Variants in CRK observed in about 807,000 individuals in gnomAD.
The protein encoded by CRK is CRK proto-oncogene, adaptor protein, also known as adapter molecule crk.
CRK carries 4 observed loss-of-function variants against 29.8 expected under a neutral mutation model. That is an observed-to-expected ratio of 0.13 (90% CI 0.07 to 0.31). The LOEUF is 0.31. CRK is among the 10% of genes least tolerant of loss of function. The pLI is 1.00. For synonymous variants in CRK, 153 were observed against 164.9 expected (o/e 0.93, Z 0.55); for missense variants, 274 against 396.5 (o/e 0.69, Z 2.62).
Position 1,422,894 on chromosome 17 carries a change from G to A in CRK, c.*619C>T. On this transcript the variant is annotated 3_prime_UTR_variant, in exon 3 of 3. Transcript: ENST00000300574. ...GGAATTCACCTACTTACAGGTTTGG[G>A]GGACAAGAATGTCAAGGGCTAAAAG... 1 of 398,846 alleles carries A rather than the reference G, an allele frequency of 2.5e-6. No homozygotes were observed. Among genetic ancestry groups the A allele is most frequent in the Non-Finnish European group, 4.4e-6 (1 of 226,104 alleles). 24.7% of individuals were successfully genotyped at this position (398,846 alleles called of 1,614,324 possible). A position where few individuals can be genotyped will look rare whatever the true frequency, so the allele number is the denominator to read the frequency against.
chr17:1,452,326 C>T (rs2074024265), intron 1 of CRK, among the ~76,000 whole-genome samples: 1 of 152,108 alleles, frequency 6.6e-6, no homozygotes, highest in South Asian at 2.1e-4. Context: ...ACTCAAAGTA[C>T]CTGGCACAGA....
chr17:1,430,861 A>G (rs749319300), intron 2 of CRK, among the ~76,000 whole-genome samples: 26 of 151,480 alleles, frequency 1.7e-4, no homozygotes, highest in Admixed American at 1.3e-3. Flanking sequence ...AGGTCAGCAG[A>G]TCGAGACCAT....
chr17:1,434,445 G>A (rs2073872050), intron 2 of CRK, among the ~76,000 whole-genome samples: 1 of 152,044 alleles, frequency 6.6e-6, no homozygotes, highest in South Asian at 2.1e-4. Flanking sequence ...CTTGATGAGC[G>A]GTGACCACAC....
At chr17:1,455,429 A>G (rs2074048383) in intron 1 of CRK, among the ~76,000 whole-genome samples, 1 of 152,174 alleles carries the variant, frequency 6.6e-6, no homozygotes, top group Non-Finnish European at 1.5e-5. Flanking sequence ...CCAGGGGAGC[A>G]CGGCCAAACC....
intron 1 of CRK, among the ~76,000 whole-genome samples, chr17:1,454,974 G>GC (rs1485684911): frequency 6.6e-6 from 1 of 152,170 alleles, no homozygotes; most frequent in African/African-American, 2.4e-5. Context: ...GGAAGACTCA[G>GC]CCCGCAGCCC....
chr17:1,436,836 G>A lies in CRK; in HGVS notation c.561C>T (p.Val187=), dbSNP rs200822320. The change falls in exon 2 of 3, where the codon GTC becomes GTT. Residue 187 remains valine, a synonymous_variant. Transcript: ENST00000300574. The part of the protein sequence containing the change: ...GKRGMIPVPY[V]EKYRPASASV... The stretch of plus-strand genomic sequence containing the variant: ...AGGCGGAGGCAGGTCTATACTTCTC[G>A]ACGTAAGGGACTGGAATCATCCCTC... The A allele has an allele frequency of 1.1e-5, 18 of 1,595,544 alleles. No homozygotes were observed. The highest frequency in any genetic ancestry group is 8.9e-5 in the East Asian group (4 of 44,730).
At chr17:1,432,731 C>T (rs1250801887) in intron 2 of CRK, among the ~76,000 whole-genome samples, 1 of 148,964 alleles carries the variant, frequency 6.7e-6, no homozygotes, top group African/African-American at 2.5e-5. Context: ...GCGCCGAGAT[C>T]ACGCCACTGC....
chr17:1,428,818 G>A (rs187978991), intron 2 of CRK, among the ~76,000 whole-genome samples: 7 of 148,382 alleles, frequency 4.7e-5, no homozygotes, highest in South Asian at 2.2e-4. Context: ...CACCACGCCC[G>A]GCTCAGAACT....
chr17:1,442,592 G>T (rs141862143), intron 1 of CRK, among the ~76,000 whole-genome samples: 1 of 146,648 alleles, frequency 6.8e-6, no homozygotes, highest in African/African-American at 2.5e-5. Flanking sequence ...GATTTTTCTT[G>T]TGTGTGAAAG....
In CRK at chr17:1,436,973, C is replaced by T. The variant is rs2073891223; in HGVS notation, c.424G>A (p.Asp142Asn). The T allele has an allele frequency of 6.2e-7, 1 of 1,614,066 alleles. No individual in the cohort carries two copies. The highest frequency in any genetic ancestry group is 1.7e-5 in the Admixed American group (1 of 59,988). Residue 142 changes from aspartate to asparagine, a missense_variant, in exon 2 of 3, where the codon GAC (aspartate) becomes AAC (asparagine). By Grantham distance (23) the Asp-to-Asn change is conservative. Around this residue, in one of 3 missense-constraint regions of CRK, gnomAD observed 18 missense variants for 61.3 expected, o/e 0.29. Coordinates refer to ENST00000300574, the MANE Select transcript of CRK (RefSeq NM_016823.4). ...EEAEYVRALFDFNGNDEEDLP... is the reference protein window; with the variant it reads ...EEAEYVRALFNFNGNDEEDLP... ...TCTTCCTCATCATTCCCATTAAAGT[C>T]AAAGAGGGCTCGCACATACTCCGCC...
chr17:1,424,246 T>C (rs941236898), intron 2 of CRK, among the ~76,000 whole-genome samples: 1 of 152,040 alleles, frequency 6.6e-6, no homozygotes, highest in African/African-American at 2.4e-5. Flanking sequence ...TTTGTATTTT[T>C]AGTAGAGATG....
At chr17:1,436,534 T>C in intron 2 of CRK, 86 bp downstream of exon 2, 1 of 1,358,858 alleles carries the variant, frequency 7.4e-7, no homozygotes, top group Non-Finnish European at 1.0e-6. Context: ...CCCAATGCTG[T>C]AGTCAGCATT....
At chr17:1,433,508 G>GATTTTTTTTTTTTT (rs1568012299) in intron 2 of CRK, among the ~76,000 whole-genome samples, 4 of 114,368 alleles carry the variant, frequency 3.5e-5, no homozygotes, top group African/African-American at 1.4e-4. Context: ...ACCACGCCTG[G>GATTTTTTTTTTTTT]CTTTTTTTTT....
At chr17:1,437,610 T>G (rs1295293470) in intron 1 of CRK, among the ~76,000 whole-genome samples, 1 of 151,684 alleles carries the variant, frequency 6.6e-6, no homozygotes, top group African/African-American at 2.4e-5. Context: ...ATATGTTCTG[T>G]CGCTACCCCA....
chr17:1,442,846 A>G (rs2073945733), intron 1 of CRK, among the ~76,000 whole-genome samples: 1 of 151,366 alleles, frequency 6.6e-6, no homozygotes, highest in Admixed American at 6.6e-5. Flanking sequence ...ACCTCAAGTG[A>G]TCTGACCGCC....
chr17:1,437,715 G>A (rs1327118100), intron 1 of CRK, among the ~76,000 whole-genome samples: 2 of 150,740 alleles, frequency 1.3e-5, no homozygotes, highest in Non-Finnish European at 3.0e-5. Flanking sequence ...GTGTAGTGGC[G>A]TGATCTCTGC....
chr17:1,436,107 T>A (rs576992159), intron 2 of CRK, among the ~76,000 whole-genome samples: 1 of 152,274 alleles, frequency 6.6e-6, no homozygotes, highest in East Asian at 1.9e-4. Flanking sequence ...TGGGTGTGCA[T>A]CTCTTCAAAC....
In CRK at chr17:1,422,927, A is replaced by G. The variant is rs139110929; in HGVS notation, c.*586T>C. 5.3e-5 allele frequency: 21 copies of G among 399,068 alleles called. No individual in the cohort carries two copies. Among genetic ancestry groups the G allele is most frequent in the African/African-American group, 3.7e-4 (18 of 48,762 alleles). The allele number at this position is 399,068 out of a possible 1,614,324, so 24.7% of individuals were successfully genotyped here. A position where few individuals can be genotyped will look rare whatever the true frequency, so the allele number is the denominator to read the frequency against. ...AATGTCAAGGGCTAAAAGAATCCCA[A>G]GAAAAAGTATGAAGCATTGACTAGG... is the stretch of plus-strand genomic sequence containing the variant. On this transcript the variant is annotated 3_prime_UTR_variant, in exon 3 of 3. Transcript: ENST00000300574.
chr17:1,432,359 G>T (rs2073851425), intron 2 of CRK, among the ~76,000 whole-genome samples: 2 of 151,344 alleles, frequency 1.3e-5, no homozygotes, highest in Non-Finnish European at 2.9e-5. Flanking sequence ...CGTGGTGGTG[G>T]ATGCCTGTAA....
Sources: gnomAD v4.1 joint callset for allele counts (sites outside exome capture counted in the v4.1 genomes callset) on GRCh38, gnomAD v4.1.1 for gene constraint, gnomAD v4.1.1 regional missense constraint, MANE v1.5 for transcripts, NCBI Gene and HGNC (gene_info 2026-07-23, HGNC 2026-07-21) for gene names.